DAB2IP: variants seen among roughly 807,000 people sequenced by gnomAD.
DAB2IP encodes the protein DAB2 interacting protein.
A neutral mutation model predicts 107.2 loss-of-function variants in DAB2IP; 28 were observed. The observed-to-expected ratio is 0.26, with a 90% CI of 0.19 to 0.36. DAB2IP has a LOEUF of 0.36. DAB2IP is among the 10% of genes least tolerant of loss of function. DAB2IP has a pLI of 1.00. For synonymous variants in DAB2IP, 755 were observed against 706.4 expected (o/e 1.07, Z -1.09); for missense variants, 1,400 against 1,644.7 (o/e 0.85, Z 2.57).
chr9:121,754,338 G>C (rs80040416), intron 3 of DAB2IP, among the ~76,000 whole-genome samples: 1 of 152,142 alleles, frequency 6.6e-6, no homozygotes, highest in Non-Finnish European at 1.5e-5. Flanking sequence ...GAGAGAGTAC[G>C]GGTCCACTGG....
At chr9:121,705,459 T>C (rs1426140290) in intron 3 of DAB2IP, among the ~76,000 whole-genome samples, 1 of 152,248 alleles carries the variant, frequency 6.6e-6, no homozygotes, top group Non-Finnish European at 1.5e-5. Context: ...TGATTCAATC[T>C]ATGTGTTCAG....
At chr9:121,642,025 C>CTT (rs1274054146) in intron 1 of DAB2IP, among the ~76,000 whole-genome samples, 66 of 10,854 alleles carry the variant, frequency 6.1e-3, no homozygotes, top group South Asian at 0.02. Flanking sequence ...CTCTCTCTCT[C>CTT]TCTCTCTTTC....
intron 1 of DAB2IP, among the ~76,000 whole-genome samples, chr9:121,622,591 T>G (rs1280768458): frequency 6.6e-6 from 1 of 152,186 alleles, no homozygotes; most frequent in African/African-American, 2.4e-5. Context: ...GGGCTCTGCT[T>G]TCCTGTCTCT....
At chr9:121,678,882 A>C in intron 2 of DAB2IP, 101 bp downstream of exon 2, 1 of 1,135,514 alleles carries the variant, frequency 8.8e-7, no homozygotes, top group South Asian at 1.8e-5. Flanking sequence ...CTGGAGCCTC[A>C]TGGACCCGGA....
At chr9:121,595,190 C>G (rs934507301) in intron 1 of DAB2IP, among the ~76,000 whole-genome samples, 1 of 151,770 alleles carries the variant, frequency 6.6e-6, no homozygotes, top group East Asian at 1.9e-4. Context: ...AACTGAAGTT[C>G]AGAGTAGGAC....
chr9:121,660,053 G>A (rs570408097), intron 1 of DAB2IP, among the ~76,000 whole-genome samples: 25 of 152,136 alleles, frequency 1.6e-4, no homozygotes, highest in Admixed American at 1.6e-3. Flanking sequence ...TTAGCAGATG[G>A]TGTGACTGGA....
At chr9:121,768,382 G>T in intron 9 of DAB2IP, 50 bp from the exon 10 acceptor site, 4 of 1,600,876 alleles carry the variant, frequency 2.5e-6, no homozygotes, top group Non-Finnish European at 3.4e-6. Context: ...GAGTTCCTGG[G>T]CAGGGCCTGC....
At chr9:121,709,872 C>G (rs1190662160) in intron 3 of DAB2IP, among the ~76,000 whole-genome samples, 1 of 152,160 alleles carries the variant, frequency 6.6e-6, no homozygotes, top group Non-Finnish European at 1.5e-5. Flanking sequence ...CCTTTAGAAT[C>G]TAGATCTCTT....
intron 3 of DAB2IP, among the ~76,000 whole-genome samples, chr9:121,755,145 G>A (rs549231018): frequency 6.6e-5 from 10 of 152,346 alleles, no homozygotes; most frequent in South Asian, 2.1e-4. Flanking sequence ...GGTCATTGCC[G>A]TGATGGGGAG....
At chr9:121,651,303 G>A (rs1832727731), upstream of DAB2IP, among the ~76,000 whole-genome samples, 1 of 152,202 alleles carries the variant, frequency 6.6e-6, no homozygotes, top group Admixed American at 6.5e-5. This position sits in a 1 kb window ranked among gnomAD's most constrained non-coding sequence, Gnocchi z 5.1. Context: ...GAAGGTGACC[G>A]TCCCCAAGCA....
chr9:121,614,859 G>A (rs1831217041), intron 1 of DAB2IP, among the ~76,000 whole-genome samples: 1 of 151,460 alleles, frequency 6.6e-6, no homozygotes, highest in Non-Finnish European at 1.5e-5. Context: ...TCAGCCTTCT[G>A]AGTAGCTGGG....
chr9:121,620,909 C>T (rs748311430), intron 1 of DAB2IP, among the ~76,000 whole-genome samples: 1 of 152,240 alleles, frequency 6.6e-6, no homozygotes, highest in South Asian at 2.1e-4. Context: ...GTGCTTTTCA[C>T]TGGCTGCTCT....
In DAB2IP at chr9:121,684,504, G is replaced by A. The variant is rs538879395; in HGVS notation, c.228+5723G>A. Among the ~76,000 whole-genome samples, 10 of 152,258 alleles carry A rather than the reference G, an allele frequency of 6.6e-5. No individual in the cohort carries two copies. In the East Asian group the frequency reaches 7.7e-4, roughly 12 times the overall value. On this transcript the variant is annotated intron_variant, in intron 2 of 15. Coordinates refer to ENST00000408936, the Ensembl canonical transcript of DAB2IP. The surrounding 1 kb of genome is among the most constrained non-coding windows in gnomAD (Gnocchi z 4.0). Reference sequence around the variant, plus strand: ...GGTGTTCTTTGGTCCAACTGCCCTCGGAGCCCCACGACAGCTCCTTCCCGC... The same window carrying A: ...GGTGTTCTTTGGTCCAACTGCCCTCAGAGCCCCACGACAGCTCCTTCCCGC...
intron 1 of DAB2IP, among the ~76,000 whole-genome samples, chr9:121,610,895 C>T (rs145225500): frequency 2.2e-4 from 34 of 152,276 alleles, no homozygotes; most frequent in Non-Finnish European, 4.3e-4. Context: ...AATTCCTTTC[C>T]CATCCTCCCC....
At chr9:121,626,885 T>TA (rs1831667928) in intron 1 of DAB2IP, among the ~76,000 whole-genome samples, 1 of 152,100 alleles carries the variant, frequency 6.6e-6, no homozygotes, top group Non-Finnish European at 1.5e-5. Context: ...ATCTATTTTT[T>TA]AAAAAATAGC....
intron 6 of DAB2IP, among the ~76,000 whole-genome samples, chr9:121,761,704 T>A (rs1337201078): frequency 6.6e-6 from 1 of 152,044 alleles, no homozygotes; most frequent in Non-Finnish European, 1.5e-5. Context: ...CCTCACCTTC[T>A]CCCCCAGCCT....
At chr9:121,615,446 C>T (rs1443502675) in intron 1 of DAB2IP, among the ~76,000 whole-genome samples, 2 of 152,022 alleles carry the variant, frequency 1.3e-5, no homozygotes, top group African/African-American at 4.8e-5. Context: ...GATGCTATCT[C>T]CTCTTATAAT....
intron 2 of DAB2IP, among the ~76,000 whole-genome samples, chr9:121,696,512 A>G (rs545104934): frequency 3.2e-4 from 48 of 152,290 alleles, no homozygotes; most frequent in Middle Eastern, 6.8e-3. Flanking sequence ...CTCTGAAGGG[A>G]CAGCAGAAAA....
intron 3 of DAB2IP, among the ~76,000 whole-genome samples, chr9:121,748,907 C>T (rs1248724646): frequency 2.0e-5 from 3 of 152,192 alleles, no homozygotes; most frequent in African/African-American, 4.8e-5. Flanking sequence ...TGTCTCACAG[C>T]CCAGGGCGTT....
Sources: gnomAD v4.1 joint callset for allele counts (sites outside exome capture counted in the v4.1 genomes callset) on GRCh38, gnomAD v4.1.1 for gene constraint, Gnocchi (gnomAD v3.1) non-coding constraint, MANE v1.5 for transcripts, NCBI Gene and HGNC (gene_info 2026-07-23, HGNC 2026-07-21) for gene names.